CALN1: variants seen among roughly 807,000 people sequenced by gnomAD.
The protein encoded by CALN1 is calneuron 1, also known as calcium-binding protein 8.
CALN1 carries 17 observed loss-of-function variants against 30.6 expected under a neutral mutation model. The ratio of observed to expected loss-of-function variants is 0.56; its 90% CI spans 0.38 to 0.83. The LOEUF (loss-of-function observed/expected upper bound fraction) is 0.83, where lower values mean the gene tolerates loss of function less well. Ranked by LOEUF, CALN1 falls within the 40% of genes least tolerant of loss-of-function variation. The pLI is 0.00. For synonymous variants in CALN1, 156 were observed against 131.4 expected, an observed-to-expected ratio of 1.19 and a Z score of -1.28; for missense variants, 291 against 354.9, an observed-to-expected ratio of 0.82 and a Z score of 1.45.
At chr7:72,340,283 G>A (rs1319217955) in intron 2 of CALN1, among the ~76,000 whole-genome samples, 1 of 152,136 alleles carries the variant, frequency 6.6e-6, no homozygotes, top group Non-Finnish European at 1.5e-5. Flanking sequence ...ATGTTGCCCA[G>A]GCTGGTCTCA....
chr7:71,878,149 C>A (rs1386658253), intron 5 of CALN1, among the ~76,000 whole-genome samples: 1 of 152,106 alleles, frequency 6.6e-6, no homozygotes, highest in Non-Finnish European at 1.5e-5. Context: ...ACTAGAAAAG[C>A]CAGGAATTAG....
chr7:72,011,185 A>C (rs769467443), intron 5 of CALN1, among the ~76,000 whole-genome samples: 4 of 152,010 alleles, frequency 2.6e-5, no homozygotes, highest in Admixed American at 6.6e-5. Context: ...AGAAAGAAGG[A>C]AAATTAAAAT....
At chr7:72,398,026 A>G (rs890567605) in intron 2 of CALN1, among the ~76,000 whole-genome samples, 3 of 152,104 alleles carry the variant, frequency 2.0e-5, no homozygotes, top group African/African-American at 7.2e-5. Context: ...AGAGCCAAGC[A>G]TTGTGGGGAA....
chr7:72,478,718 G>A, the CALN1 span, among the ~76,000 whole-genome samples: 1 of 151,908 alleles, frequency 6.6e-6, no homozygotes, highest in Non-Finnish European at 1.5e-5. Flanking sequence ...AATGAACTGT[G>A]AGTGTATCAT....
At chr7:72,459,364 C>G in the CALN1 span, among the ~76,000 whole-genome samples, 1 of 152,174 alleles carries the variant, frequency 6.6e-6, no homozygotes, top group Non-Finnish European at 1.5e-5. Flanking sequence ...AAATAGTTGT[C>G]TTATTTGTTA....
At chr7:72,485,669 A>G in the CALN1 span, among the ~76,000 whole-genome samples, 71,566 of 151,676 alleles carry the variant, frequency 0.47, 18,023 homozygotes, top group East Asian at 0.7. Context: ...TCAGGAGTTC[A>G]AGACCAGCCT....
chr7:72,302,893 C>CAAAAAAAAAAAAAAAA (rs71069055), intron 2 of CALN1, among the ~76,000 whole-genome samples: 2 of 48,748 alleles, frequency 4.1e-5, no homozygotes, highest in Non-Finnish European at 7.3e-5. Flanking sequence ...GTGAGGGTCT[C>CAAAAAAAAAAAAAAAA]AAAAAAAAAA....
intron 5 of CALN1, among the ~76,000 whole-genome samples, chr7:71,833,042 C>T (rs1789386270): frequency 6.6e-6 from 1 of 152,164 alleles, no homozygotes; most frequent in Non-Finnish European, 1.5e-5. Flanking sequence ...GGGTTTTTGC[C>T]TAGTCTTTCT....
At chr7:72,282,075 GA>G (rs1797768070) in intron 2 of CALN1, among the ~76,000 whole-genome samples, 1 of 152,164 alleles carries the variant, frequency 6.6e-6, no homozygotes, top group African/African-American at 2.4e-5. Flanking sequence ...TCATGTTCAA[GA>G]AAGGGAAGAA....
chr7:72,115,265 G>A (rs865225), intron 3 of CALN1, among the ~76,000 whole-genome samples: 109,761 of 146,920 alleles, frequency 0.75, 41,156 homozygotes, highest in East Asian at 0.96. Flanking sequence ...TGGGCCACAG[G>A]AACAAGCCAC....
intron 3 of CALN1, among the ~76,000 whole-genome samples, chr7:72,166,785 G>C (rs1305251432): frequency 6.6e-6 from 1 of 152,186 alleles, no homozygotes; most frequent in African/African-American, 2.4e-5. Flanking sequence ...GCTCACGCCA[G>C]TAATCCCAGC....
intron 5 of CALN1, among the ~76,000 whole-genome samples, chr7:71,922,295 T>C (rs1404537770): frequency 1.3e-5 from 2 of 152,098 alleles, no homozygotes; most frequent in Admixed American, 6.6e-5. Context: ...AATGTGCCTG[T>C]ATACATTGAG....
chr7:72,300,926 G>A (rs1799216637), intron 2 of CALN1, among the ~76,000 whole-genome samples: 1 of 152,142 alleles, frequency 6.6e-6, no homozygotes, highest in Non-Finnish European at 1.5e-5. Flanking sequence ...CCCCGAGGTT[G>A]GAGGTTGCAG....
At chr7:72,399,426 A>C (rs575745626) in intron 2 of CALN1, among the ~76,000 whole-genome samples, 39 of 151,174 alleles carry the variant, frequency 2.6e-4, no homozygotes, top group Non-Finnish European at 4.7e-4. Flanking sequence ...GCACACCACC[A>C]CCCCCAGCTA....
intron 1 of CALN1, among the ~76,000 whole-genome samples, chr7:72,421,308 C>T (rs941126763): frequency 1.3e-5 from 2 of 152,204 alleles, no homozygotes; most frequent in African/African-American, 2.4e-5. Context: ...TTAGATCGCT[C>T]TGTATGTTTT....
At chr7:72,232,456 A>C (rs960156420) in intron 3 of CALN1, among the ~76,000 whole-genome samples, 2 of 151,976 alleles carry the variant, frequency 1.3e-5, no homozygotes, top group East Asian at 3.9e-4. Context: ...CTTTCAAAAA[A>C]ATTTTTTTTT....
chr7:72,291,797 G>C (rs1340037797), intron 2 of CALN1, among the ~76,000 whole-genome samples: 4 of 152,132 alleles, frequency 2.6e-5, no homozygotes, highest in Non-Finnish European at 5.9e-5. Context: ...ATTTTTGGTA[G>C]AGACAGGATT....
intron 3 of CALN1, among the ~76,000 whole-genome samples, chr7:72,172,063 T>C (rs866605159): frequency 6.6e-6 from 1 of 152,208 alleles, no homozygotes; most frequent in African/African-American, 2.4e-5. Flanking sequence ...GTCTTTGCCA[T>C]TGTCACAAAC....
At chr7:72,433,894 T>C (rs1055638310) in intron 1 of CALN1, among the ~76,000 whole-genome samples, 5 of 151,658 alleles carry the variant, frequency 3.3e-5, no homozygotes, top group African/African-American at 1.2e-4. Context: ...CCATTTCTGC[T>C]AATAATAATA....
Sources: allele counts gnomAD v4.1 joint callset (sites outside exome capture counted in the v4.1 genomes callset), GRCh38; gene constraint gnomAD v4.1.1; transcripts MANE v1.5; gene names NCBI Gene and HGNC (gene_info 2026-07-23, HGNC 2026-07-21).